The following FAM149A variants were observed in gnomAD, a reference collection of about 807,000 sequenced individuals.
FAM149A encodes the protein protein FAM149A.
A neutral mutation model predicts 78.2 loss-of-function variants in FAM149A; 71 were observed. The ratio of observed to expected loss-of-function variants is 0.91; its 90% CI spans 0.75 to 1.11. FAM149A has a LOEUF of 1.11. Among genes scored for constraint, FAM149A ranks in the 50% least tolerant of loss-of-function variants. The pLI is 0.00. For synonymous variants in FAM149A, 446 were observed against 410.5 expected (o/e 1.09, Z -1.04); for missense variants, 1,036 against 971.0 (o/e 1.07, Z -0.89).
chr4:186,160,758 A>AC (rs1734537335), intron 8 of FAM149A: 1 of 963,462 alleles, frequency 1.0e-6, no homozygotes, highest in African/African-American at 1.9e-5. Flanking sequence ...ACCACACCAC[A>AC]CACACACCAC....
In FAM149A at chr4:186,144,023, C is replaced by G. The variant is rs898848992; in HGVS notation, c.567-5150C>G. The G allele has an allele frequency of 4.6e-5, 7 of 152,266 alleles. No individual in the cohort carries two copies. The East Asian group carries it at 1.4e-3, about 29-fold the overall frequency. The allele number at this position is 152,266 out of a possible 1,614,324, so 9.4% of individuals were successfully genotyped here. A position where few individuals can be genotyped will look rare whatever the true frequency, so the allele number is the denominator to read the frequency against. On this transcript the variant is annotated intron_variant, in intron 1 of 13. Transcript: ENST00000389354. The surrounding 1 kb of genome is among the most constrained non-coding windows in gnomAD (Gnocchi z 4.2). The stretch of plus-strand genomic sequence containing the variant: ...TCAAAAGAGACTGGCTACGGCAGGA[C>G]GGGGATGAGTGTTGTACCGGCACCC...
intron 1 of FAM149A, chr4:186,118,121 T>C: frequency 5.1e-6 from 5 of 985,418 alleles, no homozygotes; most frequent in South Asian, 4.7e-5. Context: ...ACTGGAAGTA[T>C]AAACAGGCAA....
rs1386094089 is a variant in FAM149A, at chr4:186,136,964, T to TTCTCTCTCTC, written c.567-12207_567-12198dup. On this transcript the variant is annotated intron_variant, in intron 1 of 13. Transcript: ENST00000389354. ...TCTCTCTCTCTCTCTCTCTCTCTCTTTCTCTCTCTCTTTCTCTCTCTCTCT... is the reference window on the plus strand; with the variant it reads ...TCTCTCTCTCTCTCTCTCTCTCTCTTTCTCTCTCTCTCTCTCTCTCTTTCTCTCTCTCTCT... Among the ~76,000 whole-genome samples, 95 of 97,098 alleles carry TTCTCTCTCTC rather than the reference T, an allele frequency of 9.8e-4. 1 individual carries two copies. The highest frequency in any genetic ancestry group is 3.6e-3 in the African/African-American group (81 of 22,484). 63.7% of individuals were successfully genotyped at this position (97,098 alleles called of 152,430 possible). A position where few individuals can be genotyped will look rare whatever the true frequency, so the allele number is the denominator to read the frequency against.
intron 1 of FAM149A, chr4:186,110,377 A>G (rs1289520867): frequency 5.5e-6 from 5 of 910,990 alleles, no homozygotes; most frequent in Non-Finnish European, 6.5e-6. Flanking sequence ...TACAATTGTC[A>G]TATAAGCGTT....
At chr4:186,105,993 A>G (rs2099308610) in intron 1 of FAM149A, among the ~76,000 whole-genome samples, 1 of 152,138 alleles carries the variant, frequency 6.6e-6, no homozygotes, top group African/African-American at 2.4e-5. Flanking sequence ...CTCAGAATAT[A>G]GCAGGTGTGC....
chr4:186,155,626 C>G (rs1029753674), intron 6 of FAM149A, among the ~76,000 whole-genome samples: 1 of 151,960 alleles, frequency 6.6e-6, no homozygotes, highest in Admixed American at 6.6e-5. Flanking sequence ...AAAAGGGAAG[C>G]CTATGGCAAT....
intron 1 of FAM149A, chr4:186,116,669 C>T (rs919934122): frequency 5.6e-5 from 54 of 956,530 alleles, no homozygotes; most frequent in Non-Finnish European, 6.3e-5. Flanking sequence ...ACGATCTCGG[C>T]TCACTGCAAC....
In FAM149A at chr4:186,130,293, C is replaced by CTCTCTATATATA; in HGVS notation, c.567-18879_567-18878insCTCTATATATAT. On this transcript the variant is annotated intron_variant, in intron 1 of 13. Transcript: ENST00000389354. ...TCTCTCTCTCTCTCTCTCTCTCTCT[C>CTCTCTATATATA]TATATATATATATATATATATAATC... The CTCTCTATATATA allele has an allele frequency of 3.6e-3, 167 of 46,566 alleles. 3 individuals are homozygous for CTCTCTATATATA. Among genetic ancestry groups the CTCTCTATATATA allele is most frequent in the African/African-American group, 1.0e-2 (111 of 11,154 alleles). The allele number at this position is 46,566 out of a possible 1,614,324, so 2.9% of individuals were successfully genotyped here.
intron 1 of FAM149A, chr4:186,124,037 G>GGTAGT: frequency 1.0e-6 from 1 of 981,090 alleles, no homozygotes; most frequent in African/African-American, 1.8e-5. Context: ...TGAGAAACTT[G>GGTAGT]GTAGTGGGTG....
intron 3 of FAM149A, among the ~76,000 whole-genome samples, chr4:186,150,497 GC>G (rs1338628231): frequency 8.1e-6 from 1 of 124,188 alleles, no homozygotes; most frequent in Non-Finnish European, 1.6e-5. Flanking sequence ...TCGGCTCACT[GC>G]AAGCTCCGCC....
Position 186,125,729 on chromosome 4 carries a change from G to C in FAM149A, c.566+20087G>C, listed in dbSNP as rs573467513. On this transcript the variant is annotated intron_variant, in intron 1 of 13. Coordinates refer to ENST00000389354, the MANE Select transcript of FAM149A (RefSeq NM_001367768.3). ...ATTAACACTACTATTATTGTGAATA[G>C]CTGAAGCTGAAGGATACTGAGAGAA... is the stretch of plus-strand genomic sequence containing the variant. 3.0e-4 allele frequency: 295 copies of C among 984,966 alleles called. 3 individuals carry two copies. In the South Asian group the frequency reaches 0.012, roughly 41 times the overall value. 61.0% of individuals were successfully genotyped at this position (984,966 alleles called of 1,614,324 possible).
intron 1 of FAM149A, chr4:186,146,720 G>T: frequency 1.1e-6 from 1 of 896,518 alleles, no homozygotes; most frequent in Non-Finnish European, 1.3e-6. Flanking sequence ...AATATCAGCT[G>T]CCCAAAGAAG....
Position 186,172,335 on chromosome 4 carries a change from A to AATCCCAGCACTTTGGGAGGCCAAGGC in FAM149A, c.*348_*349insATCCCAGCACTTTGGGAGGCCAAGGC. On this transcript the variant is annotated 3_prime_UTR_variant, in exon 14 of 14. Coordinates refer to ENST00000389354, the MANE Select transcript of FAM149A (RefSeq NM_001367768.3). ...AATTACATGTAAGAATATATTATCT[A>AATCCCAGCACTTTGGGAGGCCAAGGC]GGAATATGTCATTTGTAACTTTGTA... 1 of 58,720 alleles carries AATCCCAGCACTTTGGGAGGCCAAGGC rather than the reference A, an allele frequency of 1.7e-5. No homozygotes were observed. 3.6% of individuals were successfully genotyped at this position (58,720 alleles called of 1,614,324 possible).
chr4:186,168,413 T>A (rs1430880629), intron 13 of FAM149A, among the ~76,000 whole-genome samples: 2 of 152,216 alleles, frequency 1.3e-5, no homozygotes, highest in African/African-American at 2.4e-5. Context: ...TGGAGTGCAG[T>A]GGTGCAATCT....
chr4:186,151,070 C>T lies in FAM149A; in HGVS notation c.790-833C>T, dbSNP rs974698176. 1.1e-5 allele frequency: 11 copies of T among 985,152 alleles called. No individual in the cohort carries two copies. The African/African-American group carries it at 1.9e-4, about 17-fold the overall frequency. The allele number at this position is 985,152 out of a possible 1,614,324, so 61.0% of individuals were successfully genotyped here. A position where few individuals can be genotyped will look rare whatever the true frequency, so the allele number is the denominator to read the frequency against. On this transcript the variant is annotated intron_variant, in intron 3 of 13. Coordinates refer to ENST00000389354, the MANE Select transcript of FAM149A (RefSeq NM_001367768.3). Reference sequence around the variant, plus strand: ...CATGGGAATCCGCTTCTGTCCGCAGCTGTGCAGCTGTGATTCTCAGGGGAG... The same window carrying T: ...CATGGGAATCCGCTTCTGTCCGCAGTTGTGCAGCTGTGATTCTCAGGGGAG...
chr4:186,118,221 T>C, intron 1 of FAM149A: 1 of 985,410 alleles, frequency 1.0e-6, no homozygotes, highest in Non-Finnish European at 1.2e-6. Context: ...GGGAGTGCTC[T>C]TTACTGTTGC....
At chr4:186,147,935 AC>A (rs933435814) in intron 1 of FAM149A, among the ~76,000 whole-genome samples, 44 of 152,296 alleles carry the variant, frequency 2.9e-4, no homozygotes, top group African/African-American at 8.4e-4. Context: ...GAGAATAAAA[AC>A]AATCATATAA....
chr4:186,110,091 A>G (rs1186029842), intron 1 of FAM149A: 9 of 985,358 alleles, frequency 9.1e-6, no homozygotes, highest in East Asian at 2.3e-4. Context: ...TTATCAGACT[A>G]TAAACTCTTT....
intron 1 of FAM149A, chr4:186,109,426 T>G (rs1483412691): frequency 1.1e-6 from 1 of 950,810 alleles, no homozygotes; most frequent in African/African-American, 1.8e-5. Flanking sequence ...CTAGAGGGAC[T>G]TATCTCGATT....
Sources: gnomAD v4.1 joint callset for allele counts (sites outside exome capture counted in the v4.1 genomes callset) on GRCh38, gnomAD v4.1.1 for gene constraint, Gnocchi (gnomAD v3.1) non-coding constraint, MANE v1.5 for transcripts, NCBI Gene and HGNC (gene_info 2026-07-23, HGNC 2026-07-21) for gene names.